The following ZMAT3 variants were observed in gnomAD, a reference collection of about 807,000 sequenced individuals.
The protein encoded by ZMAT3 is zinc finger matrin-type protein 3.
Under a neutral mutation model 32.3 loss-of-function variants are expected in ZMAT3, and 17 were observed. The ratio of observed to expected loss-of-function variants is 0.53; its 90% CI spans 0.36 to 0.79. The LOEUF is 0.79. ZMAT3 is among the 30% of genes least tolerant of loss of function. The probability of loss-of-function intolerance (pLI) is 0.00; values close to 1 mark genes in which losing one functional copy is unlikely to be tolerated. For missense variants in ZMAT3, 329 were observed against 359.7 expected (o/e 0.91, Z 0.69); for synonymous variants, 120 against 133.1 (o/e 0.90, Z 0.68).
At position 179,021,446 on chromosome 3, in the gene ZMAT3, T is replaced by C. The variant is rs917805754; in HGVS notation, c.*3571A>G. On this transcript the variant is annotated 3_prime_UTR_variant, in exon 6 of 6. Transcript: ENST00000311417. ...GAATTCTAATTGTCATCTTCTAACG[T>C]TGATTTTTTATGACAACTTACACAA... 4 of 152,240 alleles carry C rather than the reference T, an allele frequency of 2.6e-5. No homozygotes were observed. Among genetic ancestry groups the C allele is most frequent in the African/African-American group, 9.6e-5 (4 of 41,472 alleles). 9.4% of individuals were successfully genotyped at this position (152,240 alleles called of 1,614,324 possible). A position where few individuals can be genotyped will look rare whatever the true frequency, so the allele number is the denominator to read the frequency against.
chr3:179,063,021 A>G (rs1721229905), intron 2 of ZMAT3, among the ~76,000 whole-genome samples: 1 of 152,216 alleles, frequency 6.6e-6, no homozygotes, highest in Non-Finnish European at 1.5e-5. Flanking sequence ...GAGGAAGTAC[A>G]ATGACCCCTA....
rs1372251340 is a variant in ZMAT3, at chr3:179,020,101, TCA to T, written c.*4914_*4915del. 1.3e-5 allele frequency: 2 copies of T among 152,180 alleles called. No homozygotes were observed. Among genetic ancestry groups the T allele is most frequent in the Non-Finnish European group, 2.9e-5 (2 of 68,010 alleles). The allele number at this position is 152,180 out of a possible 1,614,324, so 9.4% of individuals were successfully genotyped here. On this transcript the variant is annotated 3_prime_UTR_variant, in exon 6 of 6. Transcript: ENST00000311417. ...GGAAAAAAAAGACGTAGAACAGAAT[TCA>T]CACAGACCTTTGTTATTCCAAGCTC... is the stretch of plus-strand genomic sequence containing the variant.
At chr3:179,043,180 A>G (rs1720047415) in intron 2 of ZMAT3, among the ~76,000 whole-genome samples, 2 of 152,208 alleles carry the variant, frequency 1.3e-5, no homozygotes, top group South Asian at 4.1e-4. Context: ...TGCCATCCCC[A>G]TCAAGCTACC....
Position 179,021,343 on chromosome 3 carries a change from A to T in ZMAT3, c.*3674T>A, listed in dbSNP as rs1576829647. 2 of 152,160 alleles carry T rather than the reference A, an allele frequency of 1.3e-5. No individual in the cohort carries two copies. The highest frequency in any genetic ancestry group is 4.8e-5 in the African/African-American group (2 of 41,432). 9.4% of individuals were successfully genotyped at this position (152,160 alleles called of 1,614,324 possible). On this transcript the variant is annotated 3_prime_UTR_variant, in exon 6 of 6. Coordinates refer to ENST00000311417, the MANE Select transcript of ZMAT3 (RefSeq NM_022470.4). The stretch of plus-strand genomic sequence containing the variant: ...GAACTTTTTTTACAAAACCACTTCA[A>T]AGGTATATGCAATCCAATCTTTTAG...
intron 5 of ZMAT3, among the ~76,000 whole-genome samples, chr3:179,025,867 T>C (rs905008938): frequency 6.6e-6 from 1 of 152,230 alleles, no homozygotes; most frequent in Non-Finnish European, 1.5e-5. Flanking sequence ...TAGAATGAAA[T>C]CTGCAAAAGT....
Position 179,019,005 on chromosome 3 carries a change from A to G in ZMAT3, c.*6012T>C, listed in dbSNP as rs1253336292. 6.6e-6 allele frequency: 1 copy of G among 152,222 alleles called. No homozygotes were observed. Among genetic ancestry groups the G allele is most frequent in the East Asian group, 1.9e-4 (1 of 5,180 alleles). 9.4% of individuals were successfully genotyped at this position (152,222 alleles called of 1,614,324 possible). On this transcript the variant is annotated 3_prime_UTR_variant, in exon 6 of 6. Coordinates refer to ENST00000311417, the MANE Select transcript of ZMAT3 (RefSeq NM_022470.4). Reference sequence around the variant, plus strand: ...GAAAGTAGTGAAAGGAGAAGTGACAAGAGGGAGAAAAGCAGCAACAGATTG... The same window carrying G: ...GAAAGTAGTGAAAGGAGAAGTGACAGGAGGGAGAAAAGCAGCAACAGATTG...
chr3:179,056,332 G>C (rs959540796), intron 2 of ZMAT3, among the ~76,000 whole-genome samples: 1 of 126,402 alleles, frequency 7.9e-6, no homozygotes, highest in African/African-American at 2.7e-5. Context: ...AAAAAAAAAA[G>C]GGGGGGTCCA....
At chr3:179,061,191 A>C (rs987385034) in intron 2 of ZMAT3, among the ~76,000 whole-genome samples, 11 of 152,362 alleles carry the variant, frequency 7.2e-5, no homozygotes, top group African/African-American at 2.2e-4. Context: ...AAGAGTGGTA[A>C]GTCCAAAGCT....
At chr3:179,048,052 A>G (rs1420428330) in intron 2 of ZMAT3, among the ~76,000 whole-genome samples, 1 of 152,228 alleles carries the variant, frequency 6.6e-6, no homozygotes, top group South Asian at 2.1e-4. Flanking sequence ...TCGGACAAGT[A>G]GAAGAACTTC....
At chr3:179,070,019 A>G (rs1182997481) in intron 1 of ZMAT3, among the ~76,000 whole-genome samples, 1 of 152,230 alleles carries the variant, frequency 6.6e-6, no homozygotes, top group Non-Finnish European at 1.5e-5. Flanking sequence ...CAGCTTTTAA[A>G]AAGTTTAACT....
In ZMAT3 at chr3:179,051,713, T is replaced by C. The variant is rs113093725; in HGVS notation, c.270+15770A>G. 4.0e-3 allele frequency among the ~76,000 whole-genome samples: 616 copies of C among 152,310 alleles called. 6 individuals are homozygous for C. Among genetic ancestry groups the C allele is most frequent in the African/African-American group, 0.014 (582 of 41,576 alleles). On this transcript the variant is annotated intron_variant, in intron 2 of 5. Coordinates refer to ENST00000311417, the MANE Select transcript of ZMAT3 (RefSeq NM_022470.4). ...ATATGGAACCAAAAAAGAGCCTGCA[T>C]AGCCAAAGCAAGACTAAGCAAAAAG...
intron 2 of ZMAT3, among the ~76,000 whole-genome samples, chr3:179,035,755 C>T (rs1483022997): frequency 6.6e-6 from 1 of 152,012 alleles, no homozygotes; most frequent in East Asian, 1.9e-4. Context: ...ATAAATGAAC[C>T]AAGTATTATA....
At chr3:179,066,211 G>A (rs769948761) in intron 2 of ZMAT3, among the ~76,000 whole-genome samples, 1 of 152,120 alleles carries the variant, frequency 6.6e-6, no homozygotes, top group South Asian at 2.1e-4. Flanking sequence ...ATGAGAGTAC[G>A]TACTGGGGAA....
At chr3:179,059,885 G>A (rs1296004539) in intron 2 of ZMAT3, among the ~76,000 whole-genome samples, 1 of 152,154 alleles carries the variant, frequency 6.6e-6, no homozygotes, top group Non-Finnish European at 1.5e-5. Context: ...AAGCCTAGCT[G>A]GGAAGGTGAC....
chr3:179,030,354 C>CTTTT (rs1230618538), intron 3 of ZMAT3, among the ~76,000 whole-genome samples: 1 of 132,058 alleles, frequency 7.6e-6, no homozygotes, highest in Non-Finnish European at 1.6e-5. Context: ...CCCAGAATTT[C>CTTTT]TTTTTTTTTT....
rs1553798348 is a variant in ZMAT3 at position 179,023,710 on chromosome 3, A to ATATT, written c.*1306_*1307insAATA. 8.0e-5 allele frequency: 2 copies of ATATT among 25,074 alleles called. No individual in the cohort carries two copies. The highest frequency in any genetic ancestry group is 5.4e-4 in the African/African-American group (2 of 3,682). 1.6% of individuals were successfully genotyped at this position (25,074 alleles called of 1,614,324 possible). ...GGAAAATATATCTATATATATATAT[A>ATATT]TTTTTTTTTTTTTTTTTTTTTTTTT... On this transcript the variant is annotated 3_prime_UTR_variant, in exon 6 of 6. Coordinates refer to ENST00000311417, the MANE Select transcript of ZMAT3 (RefSeq NM_022470.4).
At chr3:179,058,755 CA>C (rs56006230) in intron 2 of ZMAT3, among the ~76,000 whole-genome samples, 1,335 of 68,204 alleles carry the variant, frequency 0.02, 5 homozygotes, top group Non-Finnish European at 0.032. Context: ...GACTCCGTCT[CA>C]AAAAAAAAAA....
chr3:179,058,502 A>T (rs1017567002), intron 2 of ZMAT3, among the ~76,000 whole-genome samples: 1 of 152,198 alleles, frequency 6.6e-6, no homozygotes, highest in Non-Finnish European at 1.5e-5. Context: ...CACGCCTGTA[A>T]TCCCAGCACT....
chr3:179,065,907 A>G (rs1721391993), intron 2 of ZMAT3, among the ~76,000 whole-genome samples: 2 of 152,052 alleles, frequency 1.3e-5, no homozygotes, highest in Admixed American at 6.5e-5. Flanking sequence ...CTCTGTCTCA[A>G]AAAAAAATAA....
Sources: allele counts gnomAD v4.1 joint callset (sites outside exome capture counted in the v4.1 genomes callset), GRCh38; gene constraint gnomAD v4.1.1; transcripts MANE v1.5; gene names NCBI Gene and HGNC (gene_info 2026-07-23, HGNC 2026-07-21).